Variants in CEP350 observed in about 807,000 individuals in gnomAD.
CEP350 encodes the protein centrosomal protein 350.
In CEP350, 126 loss-of-function variants were observed where a neutral mutation model predicts 331.8. The ratio of observed to expected loss-of-function variants is 0.38; its 90% CI spans 0.33 to 0.44. The LOEUF is 0.44. Ranked by LOEUF, CEP350 falls within the 20% of genes least tolerant of loss-of-function variation. The pLI is 1.00. For synonymous variants in CEP350, 1,200 were observed against 1,259.5 expected (o/e 0.95, Z 1.00); for missense variants, 3,406 against 3,634.6 (o/e 0.94, Z 1.62).
At chr1:180,073,996 T>C (rs79256735) in intron 27 of CEP350, 1 of 1,009,732 alleles carries the variant, frequency 9.9e-7, no homozygotes, top group Non-Finnish European at 1.3e-6. Context: ...TCTCTCTCTC[T>C]TTTTTTTTAA....
intron 25 of CEP350, among the ~76,000 whole-genome samples, chr1:180,055,811 C>G (rs1402158091): frequency 2.0e-5 from 3 of 152,014 alleles, no homozygotes; most frequent in Non-Finnish European, 1.5e-5. Context: ...CTCCCAAATG[C>G]TGGGATTACA....
At position 180,037,164 on chromosome 1, in the gene CEP350, T is replaced by TA. The variant is rs771567159; in HGVS notation, c.4110+78dup. ...ATTTAAAATGGTCTTAATGATGACT[T>TA]AAACTACTGTGTCAAATAGAAAAAA... On this transcript the variant is annotated intron_variant, in intron 17 of 37. Coordinates refer to ENST00000367607, the MANE Select transcript of CEP350 (RefSeq NM_014810.5). 9.2e-6 allele frequency: 12 copies of TA among 1,301,404 alleles called. No homozygotes were observed. The Middle Eastern group carries it at 1.1e-3, about 119-fold the overall frequency. The allele number at this position is 1,301,404 out of a possible 1,614,324, so 80.6% of individuals were successfully genotyped here.
rs775034583 is a variant in CEP350, at chr1:180,098,848, G to T, written c.9067-15G>T. 8 of 1,608,338 alleles carry T rather than the reference G, an allele frequency of 5.0e-6. No individual in the cohort carries two copies. Among genetic ancestry groups the T allele is most frequent in the Admixed American group, 1.7e-5 (1 of 58,944 alleles). ...TCTGTTGTTTGTGTTTCGTGTATTT[G>T]TCTTGTTTCCACAGAGCTTCATAGC... On this transcript the variant is annotated splice_polypyrimidine_tract_variant and intron_variant, in intron 36 of 37. Coordinates refer to ENST00000367607, the MANE Select transcript of CEP350 (RefSeq NM_014810.5).
At chr1:179,990,905 T>G (rs1334636737) in intron 4 of CEP350, among the ~76,000 whole-genome samples, 1 of 152,194 alleles carries the variant, frequency 6.6e-6, no homozygotes, top group Non-Finnish European at 1.5e-5. Flanking sequence ...GTTTGATTTC[T>G]TCTTACAGTC....
In CEP350 at chr1:180,019,986, A is replaced by G. The variant is rs780415500; in HGVS notation, c.2212A>G (p.Arg738Gly). 1 of 1,612,036 alleles carries G rather than the reference A, an allele frequency of 6.2e-7. No individual in the cohort carries two copies. Among genetic ancestry groups the G allele is most frequent in the Admixed American group, 1.7e-5 (1 of 59,610 alleles). Residue 738 changes from arginine to glycine, a missense_variant, in exon 12 of 38, where the codon AGA (arginine) becomes GGA (glycine). Physicochemically the swap from Arg to Gly is moderately radical, Grantham distance 125. This residue lies in a region of CEP350 where 1,857 missense variants were observed against 1,909.2 expected (regional missense o/e 0.97). Coordinates refer to ENST00000367607, the MANE Select transcript of CEP350 (RefSeq NM_014810.5). Reference protein sequence around the residue: ...LMESTWMQPERLSPQVHHSQP... With the variant: ...LMESTWMQPEGLSPQVHHSQP... ...GGAATCTACATGGATGCAGCCTGAA[A>G]GATTGAGCCCACAAGTTCACCATTC...
chr1:180,026,703 A>G (rs1655702603), intron 14 of CEP350, among the ~76,000 whole-genome samples: 1 of 152,208 alleles, frequency 6.6e-6, no homozygotes, highest in Admixed American at 6.5e-5. Flanking sequence ...ACTTCATATA[A>G]GTGGAATAAT....
chr1:180,015,936 A>G lies in CEP350; in HGVS notation c.2140A>G (p.Met714Val), dbSNP rs377103273. 2.5e-6 allele frequency: 4 copies of G among 1,613,904 alleles called. No individual in the cohort carries two copies. The highest frequency in any genetic ancestry group is 1.7e-6 in the Non-Finnish European group (2 of 1,179,786). The change falls in exon 11 of 38, where the codon ATG becomes GTG. Residue 714 changes from methionine to valine, a missense_variant. Met to Val is a conservative substitution (Grantham distance 21, BLOSUM62 1). Coordinates refer to ENST00000367607, the MANE Select transcript of CEP350 (RefSeq NM_014810.5). ...CCCAAGTGCATCTTCCAGTAGTGAC[A>G]TGTCTCTCTCAGAACCTCCACAGCC... ...RPPSASSSSD[M>V]SLSEPPQPLA...
At chr1:180,103,343 T>G (rs562461917) in intron 37 of CEP350, among the ~76,000 whole-genome samples, 4 of 152,200 alleles carry the variant, frequency 2.6e-5, no homozygotes, top group Admixed American at 1.3e-4. Flanking sequence ...TTCCAGCTTG[T>G]TTGTCTGTGT....
chr1:179,955,282 T>A, intron 1 of CEP350, 140 bp downstream of exon 1: 2 of 881,470 alleles, frequency 2.3e-6, no homozygotes, highest in Non-Finnish European at 2.8e-6. Context: ...GGCGTCCCCC[T>A]CGGGGAACCT....
chr1:180,095,290 A>G (rs898268715), intron 34 of CEP350: 2 of 401,528 alleles, frequency 5.0e-6, no homozygotes, highest in African/African-American at 4.0e-5. Context: ...AGCCCTAATC[A>G]ATAAACATTT....
Position 179,968,947 on chromosome 1 carries a change from G to A in CEP350, c.-14+13805G>A. On this transcript the variant is annotated intron_variant, in intron 1 of 37. Coordinates refer to ENST00000367607, the MANE Select transcript of CEP350 (RefSeq NM_014810.5). ...TGCCACTGGAGCCACTCCAATTGCT[G>A]ACTGCTTTACTCCTGGAACCTTCAC... 4.0e-6 allele frequency: 3 copies of A among 757,892 alleles called. No individual in the cohort carries two copies. In the South Asian group the frequency reaches 4.0e-5, roughly 10 times the overall value. The allele number at this position is 757,892 out of a possible 1,614,324, so 46.9% of individuals were successfully genotyped here.
chr1:179,996,930 C>T lies in CEP350; in HGVS notation c.773C>T (p.Ser258Phe). ...DPKALRLTDS[S>F]PSSTSTSNSQ... is the part of the protein sequence containing the mutation. The stretch of plus-strand genomic sequence containing the variant: ...AAAGCGTTACGACTAACTGACTCTT[C>T]TCCATCCTCTACTAGTACTTCTAAT... Residue 258 changes from serine to phenylalanine, a missense_variant, in exon 6 of 38, where the codon TCT (serine) becomes TTT (phenylalanine). By Grantham distance (155) the Ser-to-Phe change is radical. Coordinates refer to ENST00000367607, the MANE Select transcript of CEP350 (RefSeq NM_014810.5). 3.1e-6 allele frequency: 5 copies of T among 1,614,054 alleles called. No individual in the cohort carries two copies. The highest frequency in any genetic ancestry group is 4.2e-6 in the Non-Finnish European group (5 of 1,179,896).
rs1558079516 is a variant in CEP350 at position 179,986,265 on chromosome 1, G to T, written c.73+11G>T. The T allele has an allele frequency of 3.2e-6, 5 of 1,546,336 alleles. No homozygotes were observed. Among genetic ancestry groups the T allele is most frequent in the South Asian group, 1.2e-5 (1 of 83,562 alleles). On this transcript the variant is annotated intron_variant, in intron 2 of 37. Coordinates refer to ENST00000367607, the MANE Select transcript of CEP350 (RefSeq NM_014810.5). ...AGGATACTGTTCAAGGTATGATTTT[G>T]TTTTTTTAAACAGAACTTAATACCT...
intron 4 of CEP350, among the ~76,000 whole-genome samples, chr1:179,991,524 G>A (rs1206230317): frequency 6.6e-6 from 1 of 151,306 alleles, no homozygotes; most frequent in East Asian, 1.9e-4. Context: ...TCCTGACCTC[G>A]TGATCCGCCT....
At chr1:180,101,046 C>CT (rs1553267740) in intron 37 of CEP350, among the ~76,000 whole-genome samples, 2 of 152,306 alleles carry the variant, frequency 1.3e-5, no homozygotes, top group East Asian at 3.9e-4. Flanking sequence ...AGACATCTCT[C>CT]TAACAGTTAT....
chr1:179,969,152 A>T, intron 1 of CEP350: 1 of 639,258 alleles, frequency 1.6e-6, no homozygotes, highest in Non-Finnish European at 2.9e-6. Context: ...AGTGGGTTTG[A>T]TATGGTGGGT....
intron 22 of CEP350, among the ~76,000 whole-genome samples, chr1:180,051,510 A>G (rs1195437114): frequency 6.6e-6 from 1 of 152,216 alleles, no homozygotes. Flanking sequence ...GAACTGTTAC[A>G]TAGAGTAGTT....
At chr1:180,058,577 T>C (rs1657999880) in intron 25 of CEP350, among the ~76,000 whole-genome samples, 1 of 152,110 alleles carries the variant, frequency 6.6e-6, no homozygotes, top group South Asian at 2.1e-4. Context: ...GAGGAAGAGA[T>C]TGGCATGGAG....
chr1:180,004,556 G>A (rs1294381252), intron 7 of CEP350, among the ~76,000 whole-genome samples: 1 of 152,150 alleles, frequency 6.6e-6, no homozygotes, highest in Non-Finnish European at 1.5e-5. Flanking sequence ...CAGCAAAACT[G>A]CAAAAAGTTG....
Sources: gnomAD v4.1 joint callset for allele counts (sites outside exome capture counted in the v4.1 genomes callset) on GRCh38, gnomAD v4.1.1 for gene constraint, gnomAD v4.1.1 regional missense constraint, MANE v1.5 for transcripts, NCBI Gene and HGNC (gene_info 2026-07-23, HGNC 2026-07-21) for gene names.